The following ARMC7 variants were observed in gnomAD, a reference collection of about 807,000 sequenced individuals.
ARMC7 encodes the protein armadillo repeat-containing protein 7.
ARMC7 carries 9 observed loss-of-function variants against 14.8 expected under a neutral mutation model. That is an observed-to-expected ratio of 0.61 (90% CI 0.37 to 1.06). The LOEUF (loss-of-function observed/expected upper bound fraction) is 1.06, where lower values mean the gene tolerates loss of function less well. ARMC7 is among the 50% of genes least tolerant of loss of function. The pLI, the probability that ARMC7 is intolerant of heterozygous loss-of-function variation, is 0.01. For missense variants in ARMC7, 262 were observed against 267.1 expected, an observed-to-expected ratio of 0.98 and a Z score of 0.13; for synonymous variants, 125 against 123.4, an observed-to-expected ratio of 1.01 and a Z score of -0.09.
chr17:75,113,198 G>C (rs1193089834), intron 2 of ARMC7, among the ~76,000 whole-genome samples: 1 of 149,192 alleles, frequency 6.7e-6, no homozygotes, highest in African/African-American at 2.5e-5. Flanking sequence ...TAATTTTTGT[G>C]TTTTTAGTAG....
intron 2 of ARMC7, among the ~76,000 whole-genome samples, chr17:75,127,488 G>A (rs1465166073): frequency 1.3e-5 from 2 of 152,104 alleles, no homozygotes; most frequent in East Asian, 1.9e-4. Context: ...TAGTAGAGAC[G>A]GGGTTTCACC....
chr17:75,119,168 C>G (rs1367768229), intron 2 of ARMC7, among the ~76,000 whole-genome samples: 1 of 135,042 alleles, frequency 7.4e-6, no homozygotes, highest in Non-Finnish European at 1.6e-5. Context: ...GTACACTGGA[C>G]TGGTACACTG....
chr17:75,126,276 C>T (rs183754628), intron 2 of ARMC7, among the ~76,000 whole-genome samples: 6 of 152,206 alleles, frequency 3.9e-5, no homozygotes, highest in African/African-American at 9.6e-5. Context: ...AGCATCTGTC[C>T]CCAAGGCTAA....
chr17:75,113,176 ACCACGCCCGGC>A (rs2073942776), intron 2 of ARMC7, among the ~76,000 whole-genome samples: 1 of 147,912 alleles, frequency 6.8e-6, no homozygotes, highest in African/African-American at 2.5e-5. Flanking sequence ...GGCGCCCGCC[ACCACGCCCGGC>A]TAATTTTTGT....
At chr17:75,113,195 TG>T (rs1488090460) in intron 2 of ARMC7, among the ~76,000 whole-genome samples, 198 of 150,694 alleles carry the variant, frequency 1.3e-3, no homozygotes, top group Middle Eastern at 6.8e-3. Context: ...GGCTAATTTT[TG>T]TGTTTTTAGT....
At chr17:75,124,308 C>T (rs532940517) in intron 2 of ARMC7, among the ~76,000 whole-genome samples, 1 of 152,290 alleles carries the variant, frequency 6.6e-6, no homozygotes, top group South Asian at 2.1e-4. Context: ...GGCACCCGGT[C>T]CATCCTTGGA....
chr17:75,120,434 T>C (rs1263930424), intron 2 of ARMC7, among the ~76,000 whole-genome samples: 1 of 152,204 alleles, frequency 6.6e-6, no homozygotes, highest in East Asian at 1.9e-4. Flanking sequence ...CTGCCCTTGC[T>C]TCTTGTTTTC....
At chr17:75,119,452 T>TGTTTTG (rs1568016817) in intron 2 of ARMC7, among the ~76,000 whole-genome samples, 2 of 141,102 alleles carry the variant, frequency 1.4e-5, no homozygotes, top group African/African-American at 5.6e-5. Context: ...TACAGTTTTT[T>TGTTTTG]CTTTTTTTTT....
At chr17:75,110,647 G>A (rs370510627) in intron 2 of ARMC7, 41 bp downstream of exon 2, 1 of 1,610,534 alleles carries the variant, frequency 6.2e-7, no homozygotes, top group African/African-American at 1.3e-5. Flanking sequence ...AAATGGGCCA[G>A]GGTGAGATAA....
chr17:75,128,851 C>T lies in ARMC7; in HGVS notation c.410C>T (p.Thr137Ile), dbSNP rs199560912. ...GGCCGCAGCTTTCTCCCAGAGCTGA[C>T]CGCCACGCCCGTGGTGCAGTGCATG... ...PPGRSFLPEL[T>I]ATPVVQCMLR... Residue 137 changes from threonine to isoleucine, a missense_variant, in exon 3 of 3, where the codon ACC (threonine) becomes ATC (isoleucine). Thr to Ile is a moderately conservative substitution (Grantham distance 89, BLOSUM62 -1). Transcript: ENST00000245543. The T allele has an allele frequency of 8.4e-5, 135 of 1,612,788 alleles. No homozygotes were observed. Among genetic ancestry groups the T allele is most frequent in the Middle Eastern group, 4.9e-4 (3 of 6,084 alleles).
At chr17:75,125,500 C>G (rs1598171669) in intron 2 of ARMC7, among the ~76,000 whole-genome samples, 1 of 152,082 alleles carries the variant, frequency 6.6e-6, no homozygotes, top group East Asian at 1.9e-4. Context: ...GTAAGGAGCA[C>G]ACGGACATCT....
rs1024682859 is a variant in ARMC7, at chr17:75,110,152, C to G, written c.-137C>G. On this transcript the variant is annotated 5_prime_UTR_variant, in exon 1 of 3. Coordinates refer to ENST00000245543, the MANE Select transcript of ARMC7 (RefSeq NM_024585.4). ...CTGCAAATTACTGCAGAATCTGAAC[C>G]CAGGAAAGAAACCCATTTGCCGACC... The G allele has an allele frequency of 4.2e-5, 32 of 766,822 alleles. No individual in the cohort carries two copies. The Admixed American group carries it at 9.1e-4, about 22-fold the overall frequency. The allele number at this position is 766,822 out of a possible 1,614,324, so 47.5% of individuals were successfully genotyped here. A position where few individuals can be genotyped will look rare whatever the true frequency, so the allele number is the denominator to read the frequency against.
At chr17:75,118,775 C>T (rs1020404127) in intron 2 of ARMC7, among the ~76,000 whole-genome samples, 18 of 152,340 alleles carry the variant, frequency 1.2e-4, no homozygotes, top group African/African-American at 3.8e-4. Flanking sequence ...GTGCTCGCCA[C>T]ACGCCCACCT....
In ARMC7 at chr17:75,129,397, C is replaced by A; in HGVS notation, c.*359C>A. ...GAGCTGGGCCTGAGGCTTAGGAGAG[C>A]TGCCTTCGCTGCAGGAAATCAGGGA... On this transcript the variant is annotated 3_prime_UTR_variant, in exon 3 of 3. Coordinates refer to ENST00000245543, the MANE Select transcript of ARMC7 (RefSeq NM_024585.4). 3.4e-6 allele frequency: 1 copy of A among 296,308 alleles called. No individual in the cohort carries two copies. The highest frequency in any genetic ancestry group is 6.3e-6 in the Non-Finnish European group (1 of 159,068). 18.4% of individuals were successfully genotyped at this position (296,308 alleles called of 1,614,324 possible). A position where few individuals can be genotyped will look rare whatever the true frequency, so the allele number is the denominator to read the frequency against.
In ARMC7 at chr17:75,122,962, A is replaced by G. The variant is rs1296148806; in HGVS notation, c.236-5715A>G. 2.6e-5 allele frequency among the ~76,000 whole-genome samples: 4 copies of G among 151,574 alleles called. No homozygotes were observed. In the Middle Eastern group the frequency reaches 0.01, roughly 392 times the overall value. On this transcript the variant is annotated intron_variant, in intron 2 of 2. Coordinates refer to ENST00000245543, the MANE Select transcript of ARMC7 (RefSeq NM_024585.4). ...GCGGGCCTATCTTATTGTATGTACA[A>G]TCTGGTGTCCTTCTTCCCTCCTTCA...
chr17:75,125,645 C>A (rs1174395463), intron 2 of ARMC7, among the ~76,000 whole-genome samples: 1 of 152,012 alleles, frequency 6.6e-6, no homozygotes, highest in African/African-American at 2.4e-5. Context: ...TAAGACCAGC[C>A]TGGCTAACAT....
chr17:75,111,483 C>G (rs1468818474), intron 2 of ARMC7, among the ~76,000 whole-genome samples: 1 of 151,060 alleles, frequency 6.6e-6, no homozygotes. Context: ...GTGGCTCACA[C>G]CTTTAATCTC....
At chr17:75,119,627 T>G (rs745754558) in intron 2 of ARMC7, among the ~76,000 whole-genome samples, 1 of 3,558 alleles carries the variant, frequency 2.8e-4, no homozygotes, top group African/African-American at 3.3e-4. Context: ...TTTTTTTGTA[T>G]TTTTTTTTTT....
chr17:75,112,510 G>T (rs8077731), intron 2 of ARMC7, among the ~76,000 whole-genome samples: 2,718 of 150,802 alleles, frequency 0.018, 73 homozygotes, highest in African/African-American at 0.063. Flanking sequence ...CTTTACGTAT[G>T]ATACCCATTG....
Sources: gnomAD v4.1 joint callset for allele counts (sites outside exome capture counted in the v4.1 genomes callset) on GRCh38, gnomAD v4.1.1 for gene constraint, MANE v1.5 for transcripts, NCBI Gene and HGNC (gene_info 2026-07-23, HGNC 2026-07-21) for gene names.